LNX1: variants seen among roughly 807,000 people sequenced by gnomAD.
The protein encoded by LNX1 is ligand of numb-protein X 1, also known as E3 ubiquitin-protein ligase LNX.
In LNX1, 54 loss-of-function variants were observed where a neutral mutation model predicts 68.4. The observed-to-expected ratio is 0.79, with a 90% CI of 0.63 to 0.99. The LOEUF (loss-of-function observed/expected upper bound fraction) is 0.99, where lower values mean the gene tolerates loss of function less well. Among genes scored for constraint, LNX1 ranks in the 50% least tolerant of loss-of-function variants. The pLI is 0.00. For synonymous variants in LNX1, 336 were observed against 350.0 expected, an observed-to-expected ratio of 0.96 and a Z score of 0.45; for missense variants, 906 against 926.4, an observed-to-expected ratio of 0.98 and a Z score of 0.29.
At chr4:53,514,567 G>T (rs1050425911) in intron 2 of LNX1, among the ~76,000 whole-genome samples, 15 of 152,142 alleles carry the variant, frequency 9.9e-5, no homozygotes, top group African/African-American at 3.6e-4. Context: ...CAGTATGGGG[G>T]AACTGCCCCC....
intron 2 of LNX1, among the ~76,000 whole-genome samples, chr4:53,534,010 T>G (rs1262952346): frequency 6.6e-6 from 1 of 152,052 alleles, no homozygotes; most frequent in African/African-American, 2.4e-5. Context: ...TAGATGAGAG[T>G]GGACACACCA....
chr4:53,527,210 T>G (rs1727682555), intron 2 of LNX1, among the ~76,000 whole-genome samples: 1 of 152,218 alleles, frequency 6.6e-6, no homozygotes, highest in Non-Finnish European at 1.5e-5. Context: ...TATAAACATA[T>G]GAATTTCAAT....
At chr4:53,559,812 TAA>T (rs35388102) in intron 2 of LNX1, among the ~76,000 whole-genome samples, 16 of 133,006 alleles carry the variant, frequency 1.2e-4, no homozygotes, top group Non-Finnish European at 9.8e-5. Context: ...CATGCCTGGC[TAA>T]AAAAAAAAAA....
At chr4:53,569,288 C>G (rs1247341736) in intron 2 of LNX1, among the ~76,000 whole-genome samples, 1,984 of 148,358 alleles carry the variant, frequency 0.013, 43 homozygotes, top group African/African-American at 0.047. Flanking sequence ...GTAACCAAAA[C>G]AGCATGGTAC....
Position 53,461,039 on chromosome 4 carries a change from A to ACAT in LNX1, c.2052_2054dup (p.Arg684_Cys685insTer). The ACAT allele has an allele frequency of 6.4e-7, 1 of 1,556,308 alleles. No homozygotes were observed. The highest frequency in any genetic ancestry group is 1.2e-5 in the South Asian group (1 of 81,790). ...CATTGACAGCAAGAAGAATATCACC[A>ACAT]CATCTAAAAAAAAAAACAAAACAAG... is the stretch of plus-strand genomic sequence containing the variant. On this transcript the variant is annotated stop_gained, in exon 11 of 11. Coordinates refer to ENST00000263925, the MANE Select transcript of LNX1 (RefSeq NM_001126328.3). LOFTEE classifies it high-confidence loss of function.
chr4:53,637,510 T>C (rs1255911149), intron 1 of LNX1, among the ~76,000 whole-genome samples: 1 of 152,152 alleles, frequency 6.6e-6, no homozygotes, highest in Non-Finnish European at 1.5e-5. Context: ...CACCTGTCAT[T>C]TCACATGTTA....
chr4:53,574,256 A>T (rs1036302217), intron 1 of LNX1, among the ~76,000 whole-genome samples, 168 bp from the exon 2 acceptor site: 10 of 152,240 alleles, frequency 6.6e-5, no homozygotes, highest in Admixed American at 2.6e-4. Context: ...GGCAAGCCCC[A>T]TGGCCTCCTC....
intron 10 of LNX1, among the ~76,000 whole-genome samples, 195 bp downstream of exon 10, chr4:53,461,240 A>G (rs1641370068): frequency 6.6e-6 from 1 of 152,096 alleles, no homozygotes; most frequent in Non-Finnish European, 1.5e-5. Context: ...AGGAATGCTA[A>G]AAGTATGGGG....
In LNX1 at chr4:53,563,785, G is replaced by A. The variant is rs563101141; in HGVS notation, c.380+9838C>T. On this transcript the variant is annotated intron_variant, in intron 2 of 10. Transcript: ENST00000263925. ...CCTGACCTCGTGATCCACCCGCCTC[G>A]GCCTCCCAAAGTGCTGGGATTACAG... Among the ~76,000 whole-genome samples the A allele has an allele frequency of 5.3e-5, 8 of 152,208 alleles. No homozygotes were observed. The East Asian group carries it at 1.2e-3, about 22-fold the overall frequency.
chr4:53,481,699 G>A (rs747187031), intron 7 of LNX1, 21 bp downstream of exon 7: 8 of 1,604,124 alleles, frequency 5.0e-6, no homozygotes, highest in African/African-American at 2.7e-5. Context: ...AGGAGCAGGC[G>A]ACCTGCCCTA....
chr4:53,557,128 T>C lies in LNX1; in HGVS notation c.380+16495A>G, dbSNP rs192267921. On this transcript the variant is annotated intron_variant, in intron 2 of 10. Coordinates refer to ENST00000263925, the MANE Select transcript of LNX1 (RefSeq NM_001126328.3). ...ACAAAAGGAGCTGGAAAAATATCAC[T>C]AGAGGTTGGTGACATGAGGCATTTC... Among the ~76,000 whole-genome samples the C allele has an allele frequency of 1.7e-3, 254 of 152,330 alleles. 2 individuals carry two copies. Among genetic ancestry groups the C allele is most frequent in the Non-Finnish European group, 2.7e-3 (182 of 68,030 alleles).
chr4:53,638,269 G>A (rs1734554918), intron 1 of LNX1, among the ~76,000 whole-genome samples: 1 of 152,186 alleles, frequency 6.6e-6, no homozygotes, highest in Admixed American at 6.5e-5. Context: ...AGAAGAAATA[G>A]ACCTTTCGAT....
At position 53,525,159 on chromosome 4, in the gene LNX1, C is replaced by T. The variant is rs1727519558; in HGVS notation, c.381-16932G>A. The stretch of plus-strand genomic sequence containing the variant: ...AACTACTCATGGTGGGCTATAATCC[C>T]CTTTCGTTACACATTAAAAAAAATT... On this transcript the variant is annotated intron_variant, in intron 2 of 10. Coordinates refer to ENST00000263925, the MANE Select transcript of LNX1 (RefSeq NM_001126328.3). Among the ~76,000 whole-genome samples the T allele has an allele frequency of 2.6e-5, 4 of 152,074 alleles. No individual in the cohort carries two copies. The South Asian group carries it at 8.3e-4, about 32-fold the overall frequency.
chr4:53,471,334 A>T (rs1049743380), intron 9 of LNX1, among the ~76,000 whole-genome samples: 7 of 152,244 alleles, frequency 4.6e-5, no homozygotes, highest in Non-Finnish European at 8.8e-5. Context: ...TTATACAAAA[A>T]TTAATTCAAG....
chr4:53,613,802 A>G (rs533390861), intron 2 of LNX1, among the ~76,000 whole-genome samples: 1 of 152,298 alleles, frequency 6.6e-6, no homozygotes, highest in Middle Eastern at 3.4e-3. Flanking sequence ...AGAATGATTT[A>G]TATTCCTTTG....
chr4:53,543,958 C>A (rs1321099997), intron 2 of LNX1, among the ~76,000 whole-genome samples: 10 of 149,504 alleles, frequency 6.7e-5, no homozygotes, highest in African/African-American at 1.5e-4. Flanking sequence ...ACAGAAAAAA[C>A]CAAACACACA....
intron 6 of LNX1, among the ~76,000 whole-genome samples, chr4:53,484,570 GA>G (rs1007536950): frequency 1.1e-4 from 17 of 148,624 alleles, no homozygotes; most frequent in Middle Eastern, 3.4e-3. Flanking sequence ...CTCAAAAAAA[GA>G]AAAAAAAAAT....
intron 4 of LNX1, among the ~76,000 whole-genome samples, chr4:53,499,079 C>T (rs1725287703): frequency 6.6e-6 from 1 of 152,176 alleles, no homozygotes; most frequent in Non-Finnish European, 1.5e-5. Flanking sequence ...CCTGATTCCT[C>T]CTTCCCTTGC....
intron 1 of LNX1, among the ~76,000 whole-genome samples, chr4:53,646,709 C>G (rs1251740190): frequency 6.6e-6 from 1 of 152,184 alleles, no homozygotes; most frequent in Non-Finnish European, 1.5e-5. Context: ...CAGAAATGAG[C>G]CATGCTAATG....
Sources: gnomAD v4.1 joint callset for allele counts (sites outside exome capture counted in the v4.1 genomes callset) on GRCh38, gnomAD v4.1.1 for gene constraint, MANE v1.5 for transcripts, NCBI Gene and HGNC (gene_info 2026-07-23, HGNC 2026-07-21) for gene names.